The following NAALADL2 variants were observed in gnomAD, a reference collection of about 807,000 sequenced individuals.
NAALADL2 encodes inactive N-acetylated-alpha-linked acidic dipeptidase-like protein 2.
A neutral mutation model predicts 87.2 loss-of-function variants in NAALADL2; 76 were observed. That is an observed-to-expected ratio of 0.87 (90% CI 0.72 to 1.05). The LOEUF (loss-of-function observed/expected upper bound fraction) is 1.05. Ranked by LOEUF, NAALADL2 falls within the 50% of genes least tolerant of loss-of-function variation. NAALADL2 has a pLI of 0.00. For synonymous variants in NAALADL2, 354 were observed against 331.0 expected, an observed-to-expected ratio of 1.07 and a Z score of -0.75; for missense variants, 1,089 against 945.8, an observed-to-expected ratio of 1.15 and a Z score of -1.99.
At chr3:175,514,460 G>A (rs984649261) in intron 9 of NAALADL2, among the ~76,000 whole-genome samples, 1 of 152,078 alleles carries the variant, frequency 6.6e-6, no homozygotes, top group Non-Finnish European at 1.5e-5. Context: ...AGACATTTTA[G>A]GGGACATTAT....
intron 9 of NAALADL2, among the ~76,000 whole-genome samples, chr3:175,531,196 C>T (rs990983207): frequency 6.6e-6 from 1 of 152,080 alleles, no homozygotes; most frequent in Non-Finnish European, 1.5e-5. Context: ...TCAGGTCATT[C>T]GATAAATGGG....
At chr3:174,571,785 T>C (rs374415784) in intron 2 of NAALADL2, among the ~76,000 whole-genome samples, 2 of 152,258 alleles carry the variant, frequency 1.3e-5, no homozygotes, top group Admixed American at 6.5e-5. Context: ...ATATGTTTTA[T>C]AAGGAGCTGG....
intron 2 of NAALADL2, among the ~76,000 whole-genome samples, chr3:174,599,206 C>T (rs138400239): frequency 3.3e-5 from 5 of 152,176 alleles, no homozygotes; most frequent in African/African-American, 4.8e-5. Flanking sequence ...GTGGATTGCT[C>T]GACTGAGTGC....
chr3:174,636,882 C>T (rs1176602138), intron 2 of NAALADL2, among the ~76,000 whole-genome samples: 2 of 152,112 alleles, frequency 1.3e-5, no homozygotes, highest in Non-Finnish European at 2.9e-5. Flanking sequence ...ATGTTTATTG[C>T]AGCACTATGC....
In NAALADL2 at chr3:175,424,427, A is replaced by G. The variant is rs576374635; in HGVS notation, c.1091-22802A>G. On this transcript the variant is annotated intron_variant, in intron 5 of 13. Coordinates refer to ENST00000454872, the MANE Select transcript of NAALADL2 (RefSeq NM_207015.3). ...TAAGTCTTTAATCCATCTTGAATTA[A>G]TTTTTGTATAAGGTGTAAGGAAGGG... is the stretch of plus-strand genomic sequence containing the variant. Among the ~76,000 whole-genome samples, 6 of 152,216 alleles carry G rather than the reference A, an allele frequency of 3.9e-5. No homozygotes were observed. In the South Asian group the frequency reaches 1.2e-3, roughly 32 times the overall value.
chr3:175,540,495 T>C (rs1712120530), intron 9 of NAALADL2, among the ~76,000 whole-genome samples: 1 of 152,242 alleles, frequency 6.6e-6, no homozygotes, highest in South Asian at 2.1e-4. Flanking sequence ...CCAAGTACCA[T>C]GAGAAGCCAT....
At chr3:174,787,997 A>T (rs1320252175) in intron 3 of NAALADL2, among the ~76,000 whole-genome samples, 4 of 152,056 alleles carry the variant, frequency 2.6e-5, no homozygotes, top group Non-Finnish European at 5.9e-5. Context: ...TGATACGGAG[A>T]TTAGACAATA....
In NAALADL2 at chr3:175,383,590, C is replaced by CTGTTTTGTTTTGTTT. The variant is rs1019067242; in HGVS notation, c.1090+59272_1090+59286dup. Among the ~76,000 whole-genome samples, 121 of 151,994 alleles carry CTGTTTTGTTTTGTTT rather than the reference C, an allele frequency of 8.0e-4. 1 individual carries two copies. The highest frequency in any genetic ancestry group is 3.4e-3 in the Middle Eastern group (1 of 294). ...GCATATCCCCTAGAGATATATAAATCTGTTTTGTTTTGTTTTGTTTTTCAT... is the reference window on the plus strand; with the variant it reads ...GCATATCCCCTAGAGATATATAAATCTGTTTTGTTTTGTTTTGTTTTGTTTTGTTTTGTTTTTCAT... On this transcript the variant is annotated intron_variant, in intron 5 of 13. Transcript: ENST00000454872.
At chr3:174,611,718 C>G (rs1719909893) in intron 2 of NAALADL2, among the ~76,000 whole-genome samples, 1 of 151,718 alleles carries the variant, frequency 6.6e-6, no homozygotes, top group African/African-American at 2.4e-5. Flanking sequence ...AGCCTCCTGA[C>G]TAGCTGGGAT....
intron 2 of NAALADL2, among the ~76,000 whole-genome samples, chr3:174,605,264 C>T (rs1718887077): frequency 6.6e-6 from 1 of 152,176 alleles, no homozygotes; most frequent in African/African-American, 2.4e-5. Flanking sequence ...TTCTGCATTT[C>T]CATCTGAGGT....
intron 9 of NAALADL2, among the ~76,000 whole-genome samples, chr3:175,528,571 A>G (rs941692985): frequency 6.6e-6 from 1 of 152,154 alleles, no homozygotes; most frequent in Non-Finnish European, 1.5e-5. Flanking sequence ...AGTATTAACC[A>G]TCACAAGTCC....
At chr3:174,971,039 A>T (rs28378299) in intron 1 of NAALADL2, among the ~76,000 whole-genome samples, 1 of 152,046 alleles carries the variant, frequency 6.6e-6, no homozygotes, top group Non-Finnish European at 1.5e-5. Context: ...CATTTCTTAC[A>T]TGGTGGTGGC....
chr3:174,988,154 T>C (rs1746229755), intron 1 of NAALADL2, among the ~76,000 whole-genome samples: 1 of 152,132 alleles, frequency 6.6e-6, no homozygotes, highest in South Asian at 2.1e-4. Context: ...TGAGTTCTGC[T>C]CATGAATCAA....
Position 175,708,659 on chromosome 3 carries a change from C to T in NAALADL2, c.1897-28647C>T, listed in dbSNP as rs73881359. Among the ~76,000 whole-genome samples the T allele has an allele frequency of 3.0e-3, 454 of 151,154 alleles. 3 individuals are homozygous for T. Among genetic ancestry groups the T allele is most frequent in the African/African-American group, 0.01 (420 of 41,260 alleles). ...GGTGTGTTTTGATTAAAAACCCTGA[C>T]TAAAATTTCTCATCATTATTTCTTA... On this transcript the variant is annotated intron_variant, in intron 11 of 13. Transcript: ENST00000454872.
intron 4 of NAALADL2, among the ~76,000 whole-genome samples, chr3:175,306,442 C>CT (rs1402832187): frequency 2.0e-5 from 3 of 152,148 alleles, no homozygotes; most frequent in African/African-American, 7.2e-5. Context: ...TACACAAACT[C>CT]TTATCTTCTG....
At chr3:174,653,082 A>C (rs1724541282) in intron 2 of NAALADL2, among the ~76,000 whole-genome samples, 1 of 152,142 alleles carries the variant, frequency 6.6e-6, no homozygotes, top group Admixed American at 6.5e-5. Context: ...ACCAACTAGA[A>C]CTCTCATAAA....
At chr3:174,703,412 CA>C (rs1332527647) in intron 2 of NAALADL2, among the ~76,000 whole-genome samples, 1 of 151,274 alleles carries the variant, frequency 6.6e-6, no homozygotes, top group Non-Finnish European at 1.5e-5. Flanking sequence ...TGAGGAGCAG[CA>C]ATATTTAAGT....
At chr3:175,716,122 T>C (rs527846100) in intron 11 of NAALADL2, among the ~76,000 whole-genome samples, 1 of 147,586 alleles carries the variant, frequency 6.8e-6, no homozygotes, top group South Asian at 2.1e-4. Flanking sequence ...ATATGTAATT[T>C]ATTGGAATAC....
chr3:175,577,265 G>T (rs982837180), intron 10 of NAALADL2, among the ~76,000 whole-genome samples: 10 of 152,172 alleles, frequency 6.6e-5, no homozygotes, highest in Admixed American at 6.5e-4. Flanking sequence ...CAGAGCTGTG[G>T]TGAGGATTAA....
Sources: allele counts gnomAD v4.1 joint callset (sites outside exome capture counted in the v4.1 genomes callset), GRCh38; gene constraint gnomAD v4.1.1; transcripts MANE v1.5; gene names NCBI Gene and HGNC (gene_info 2026-07-23, HGNC 2026-07-21).